Variants in HS6ST3 observed in about 807,000 individuals in gnomAD.
HS6ST3 encodes the protein heparan sulfate 6-O-sulfotransferase 3.
In HS6ST3, 12 loss-of-function variants were observed where a neutral mutation model predicts 36.7. That is an observed-to-expected ratio of 0.33 (90% CI 0.21 to 0.53). The LOEUF (loss-of-function observed/expected upper bound fraction) is 0.53. Among genes scored for constraint, HS6ST3 ranks in the 20% least tolerant of loss-of-function variants. HS6ST3 has a pLI of 0.95. For synonymous variants in HS6ST3, 240 were observed against 257.5 expected, an observed-to-expected ratio of 0.93 and a Z score of 0.65; for missense variants, 584 against 640.9, an observed-to-expected ratio of 0.91 and a Z score of 0.96.
In HS6ST3 at chr13:96,695,458, C is replaced by T. The variant is rs572415312; in HGVS notation, c.708-137032C>T. Among the ~76,000 whole-genome samples, 16 of 152,212 alleles carry T rather than the reference C, an allele frequency of 1.1e-4. 1 individual carries two copies. The highest frequency in any genetic ancestry group is 2.6e-4 in the African/African-American group (11 of 41,548). On this transcript the variant is annotated intron_variant, in intron 1 of 1. Transcript: ENST00000376705. ...CTTACCCTTTTTATTGTTTTTGTCT[C>T]GCTGTTTCTCCCAGACTGGAGTGCA...
At chr13:96,355,421 A>T (rs9513123) in intron 1 of HS6ST3, among the ~76,000 whole-genome samples, 9 of 149,322 alleles carry the variant, frequency 6.0e-5, no homozygotes, top group African/African-American at 2.0e-4. Flanking sequence ...AAACACACAC[A>T]CACAGAGGCA....
At chr13:96,567,002 TA>T (rs2056283740) in intron 1 of HS6ST3, among the ~76,000 whole-genome samples, 1 of 152,114 alleles carries the variant, frequency 6.6e-6, no homozygotes, top group Non-Finnish European at 1.5e-5. Flanking sequence ...CTATGTTCCA[TA>T]AGCAAAAACT....
chr13:96,693,894 G>A (rs1306667089), intron 1 of HS6ST3, among the ~76,000 whole-genome samples: 1 of 152,142 alleles, frequency 6.6e-6, no homozygotes, highest in Non-Finnish European at 1.5e-5. Context: ...ATTTGCTGCT[G>A]TTCTTAGCAA....
intron 1 of HS6ST3, among the ~76,000 whole-genome samples, chr13:96,348,731 C>A (rs2055167764): frequency 6.6e-6 from 1 of 152,160 alleles, no homozygotes; most frequent in African/African-American, 2.4e-5. Flanking sequence ...AACTCATTTC[C>A]CAAGGCACAC....
At chr13:96,179,193 G>T (rs982511103) in intron 1 of HS6ST3, among the ~76,000 whole-genome samples, 4 of 152,028 alleles carry the variant, frequency 2.6e-5, no homozygotes, top group African/African-American at 7.2e-5. Context: ...CATGGCCAAG[G>T]TACCTTCAAA....
chr13:96,375,661 G>A (rs188782655), intron 1 of HS6ST3, among the ~76,000 whole-genome samples: 26 of 152,022 alleles, frequency 1.7e-4, no homozygotes, highest in Admixed American at 6.6e-4. Context: ...CTCAACAGGC[G>A]ACAAAAGCCA....
intron 1 of HS6ST3, among the ~76,000 whole-genome samples, chr13:96,421,855 A>T (rs1403555424): frequency 6.6e-6 from 1 of 152,192 alleles, no homozygotes; most frequent in Non-Finnish European, 1.5e-5. Context: ...TCATCTTTAC[A>T]TGTCCAGTTT....
chr13:96,766,551 G>T (rs1218295278), intron 1 of HS6ST3, among the ~76,000 whole-genome samples: 1 of 152,144 alleles, frequency 6.6e-6, no homozygotes, highest in Non-Finnish European at 1.5e-5. Context: ...GCAGCTAATT[G>T]TTTGTGGGAC....
chr13:96,300,305 T>C (rs7990281), intron 1 of HS6ST3, among the ~76,000 whole-genome samples: 75,344 of 151,472 alleles, frequency 0.5, 19,603 homozygotes, highest in African/African-American at 0.65. Context: ...GATCCACCCG[T>C]CTCGGCCTCC....
chr13:96,518,068 G>C (rs2056079675), intron 1 of HS6ST3, among the ~76,000 whole-genome samples: 1 of 152,064 alleles, frequency 6.6e-6, no homozygotes, highest in African/African-American at 2.4e-5. Context: ...GGAACATGAT[G>C]GAGCTGGGGG....
chr13:96,806,356 G>C (rs762467103), intron 1 of HS6ST3, among the ~76,000 whole-genome samples: 1 of 152,206 alleles, frequency 6.6e-6, no homozygotes, highest in African/African-American at 2.4e-5. Context: ...CCCAGCCCTT[G>C]TCATCACTGA....
chr13:96,368,991 A>C (rs1278855272), intron 1 of HS6ST3, among the ~76,000 whole-genome samples: 1 of 151,854 alleles, frequency 6.6e-6, no homozygotes, highest in African/African-American at 2.4e-5. Flanking sequence ...GAGAGACATA[A>C]AATTCCATCA....
intron 1 of HS6ST3, among the ~76,000 whole-genome samples, chr13:96,603,401 T>C (rs1226595040): frequency 2.6e-5 from 4 of 152,222 alleles, no homozygotes; most frequent in Admixed American, 2.0e-4. Flanking sequence ...GTTTTTCTTG[T>C]GGTAGTTCAT....
At chr13:96,201,958 A>C (rs1459978040) in intron 1 of HS6ST3, among the ~76,000 whole-genome samples, 38 of 152,222 alleles carry the variant, frequency 2.5e-4, no homozygotes, top group Non-Finnish European at 1.0e-4. Flanking sequence ...CTTAAAATTA[A>C]GAATTTGCAT....
At chr13:96,221,190 T>C (rs1927808) in intron 1 of HS6ST3, among the ~76,000 whole-genome samples, 86,710 of 151,996 alleles carry the variant, frequency 0.57, 24,911 homozygotes, top group Admixed American at 0.66. Context: ...TTGTGATACT[T>C]CTGCTTTTGA....
chr13:96,309,484 A>G lies in HS6ST3; in HGVS notation c.707+217915A>G, dbSNP rs150017120. Among the ~76,000 whole-genome samples the G allele has an allele frequency of 1.2e-4, 18 of 152,278 alleles. No homozygotes were observed. In the East Asian group the frequency reaches 3.5e-3, roughly 29 times the overall value. On this transcript the variant is annotated intron_variant, in intron 1 of 1. Transcript: ENST00000376705. ...TAGTTTACTTAGTGGAAAAATTTTC[A>G]CATATAACAAGGCTACTTAAATCAA...
chr13:96,587,484 C>T (rs569427309), intron 1 of HS6ST3, among the ~76,000 whole-genome samples: 1 of 152,280 alleles, frequency 6.6e-6, no homozygotes, highest in African/African-American at 2.4e-5. Flanking sequence ...CTTCTGCAGA[C>T]AGGGAAGTTC....
intron 1 of HS6ST3, among the ~76,000 whole-genome samples, chr13:96,125,914 A>G (rs1053939484): frequency 2.0e-5 from 3 of 151,920 alleles, no homozygotes; most frequent in African/African-American, 7.3e-5. Context: ...ATATCTCCTA[A>G]AGCTATCCCT....
intron 1 of HS6ST3, among the ~76,000 whole-genome samples, chr13:96,801,045 C>A (rs912140236): frequency 1.2e-4 from 18 of 152,216 alleles, no homozygotes; most frequent in Non-Finnish European, 1.6e-4. Flanking sequence ...TCCGTAGGTT[C>A]TCTTCCTTGT....
Sources: allele counts gnomAD v4.1 joint callset (sites outside exome capture counted in the v4.1 genomes callset), GRCh38; gene constraint gnomAD v4.1.1; transcripts MANE v1.5; gene names NCBI Gene and HGNC (gene_info 2026-07-23, HGNC 2026-07-21).